Variants in DROSHA observed in about 807,000 individuals in gnomAD.
DROSHA encodes drosha ribonuclease III, also known as ribonuclease 3.
A neutral mutation model predicts 181.9 loss-of-function variants in DROSHA; 56 were observed. The observed-to-expected ratio is 0.31, with a 90% CI of 0.25 to 0.38. The LOEUF is 0.38. Among genes scored for constraint, DROSHA ranks in the 10% least tolerant of loss-of-function variants. The pLI is 1.00. For missense variants in DROSHA, 1,218 were observed against 1,743.5 expected, an observed-to-expected ratio of 0.70 and a Z score of 5.37; for synonymous variants, 524 against 591.2, an observed-to-expected ratio of 0.89 and a Z score of 1.65.
intron 13 of DROSHA, among the ~76,000 whole-genome samples, chr5:31,489,536 C>G (rs563984773): frequency 6.6e-6 from 1 of 152,284 alleles, no homozygotes; most frequent in African/African-American, 2.4e-5. Context: ...AATGGTCAAC[C>G]AAGAAACTGT....
chr5:31,511,698 T>TA (rs111259754), intron 8 of DROSHA, among the ~76,000 whole-genome samples: 61,593 of 143,524 alleles, frequency 0.43, 13,311 homozygotes, highest in Non-Finnish European at 0.5. Flanking sequence ...AGACCTCATC[T>TA]AAAAAAAAAA....
At chr5:31,413,250 A>G (rs919086262) in intron 30 of DROSHA, among the ~76,000 whole-genome samples, 3 of 152,194 alleles carry the variant, frequency 2.0e-5, no homozygotes, top group Non-Finnish European at 4.4e-5. Context: ...GGTGGCCAAT[A>G]ATAAGTGAGA....
At chr5:31,474,576 CT>C (rs1445074487) in intron 16 of DROSHA, among the ~76,000 whole-genome samples, 1 of 152,088 alleles carries the variant, frequency 6.6e-6, no homozygotes, top group African/African-American at 2.4e-5. Flanking sequence ...GTTGCCCAGG[CT>C]GTTCTCCAAT....
At chr5:31,405,064 A>G (rs1053182788) in intron 35 of DROSHA, among the ~76,000 whole-genome samples, 1 of 152,212 alleles carries the variant, frequency 6.6e-6, no homozygotes, top group Non-Finnish European at 1.5e-5. Context: ...GAGAATAGAG[A>G]AATGTATGAA....
intron 16 of DROSHA, among the ~76,000 whole-genome samples, chr5:31,474,982 G>A (rs1042618868): frequency 9.2e-5 from 14 of 152,130 alleles, no homozygotes; most frequent in Admixed American, 2.0e-4. Context: ...CAGTTCAATC[G>A]AAGACACATA....
At chr5:31,489,841 A>G (rs1377613419) in intron 13 of DROSHA, among the ~76,000 whole-genome samples, 1 of 152,190 alleles carries the variant, frequency 6.6e-6, no homozygotes, top group East Asian at 1.9e-4. Context: ...AGAATACGAC[A>G]AAATACGGTG....
At chr5:31,473,454 C>T (rs1749982321) in intron 16 of DROSHA, among the ~76,000 whole-genome samples, 1 of 152,188 alleles carries the variant, frequency 6.6e-6, no homozygotes, top group African/African-American at 2.4e-5. Flanking sequence ...ACTCATTCAT[C>T]CAAATATTCA....
chr5:31,415,712 C>T (rs113444793), intron 30 of DROSHA, among the ~76,000 whole-genome samples: 62 of 152,220 alleles, frequency 4.1e-4, no homozygotes, highest in African/African-American at 1.4e-3. Context: ...ACAGCAGGCA[C>T]GGAGATTAGC....
At chr5:31,412,780 C>T (rs1741468235) in intron 30 of DROSHA, among the ~76,000 whole-genome samples, 1 of 152,080 alleles carries the variant, frequency 6.6e-6, no homozygotes, top group African/African-American at 2.4e-5. Context: ...ATATAAGACC[C>T]AACCAATAAA....
intron 21 of DROSHA, among the ~76,000 whole-genome samples, chr5:31,450,309 T>G (rs528999354): frequency 6.4e-4 from 97 of 152,340 alleles, no homozygotes; most frequent in African/African-American, 2.2e-3. Flanking sequence ...TAACACTTGA[T>G]TCGGTCCTCC....
At chr5:31,418,918 G>T (rs2149993743) in intron 30 of DROSHA, among the ~76,000 whole-genome samples, 1 of 152,290 alleles carries the variant, frequency 6.6e-6, no homozygotes, top group Middle Eastern at 3.4e-3. Flanking sequence ...AACTCAGAAG[G>T]GAGACAGGAC....
chr5:31,484,663 A>G (rs1214401266), intron 15 of DROSHA, among the ~76,000 whole-genome samples: 2 of 152,214 alleles, frequency 1.3e-5, no homozygotes, highest in African/African-American at 4.8e-5. Context: ...AGCCGCTACC[A>G]GCTAATAATA....
intron 24 of DROSHA, 64 bp from the exon 25 acceptor site, chr5:31,435,928 G>T: frequency 6.7e-7 from 1 of 1,497,526 alleles, no homozygotes; most frequent in South Asian, 1.2e-5. Flanking sequence ...GTGGCTCTGA[G>T]TCACAGAAAC....
chr5:31,504,127 C>T (rs1033849427), intron 11 of DROSHA, among the ~76,000 whole-genome samples: 1 of 152,072 alleles, frequency 6.6e-6, no homozygotes, highest in Admixed American at 6.6e-5. Flanking sequence ...AGGGCAGAGA[C>T]GCAGGTAAAA....
In DROSHA at chr5:31,458,424, A is replaced by C. The variant is rs531327057; in HGVS notation, c.2574+5812T>G. Among the ~76,000 whole-genome samples, 24 of 152,370 alleles carry C rather than the reference A, an allele frequency of 1.6e-4. No homozygotes were observed. The South Asian group carries it at 4.8e-3, about 30-fold the overall frequency. On this transcript the variant is annotated intron_variant, in intron 20 of 35. Transcript: ENST00000344624. ...TCCCACAGGATCTTCATCTCAGGGT[A>C]ATCAAATAGTTGATGAGGAAAAGAT...
intron 25 of DROSHA, among the ~76,000 whole-genome samples, chr5:31,435,524 TTTC>T (rs61687488): frequency 0.041 from 6,283 of 152,250 alleles, 318 homozygotes; most frequent in East Asian, 0.2. Context: ...CTGTCAAATT[TTTC>T]TTCATCTGTT....
chr5:31,513,934 G>A (rs1398990874), intron 8 of DROSHA, among the ~76,000 whole-genome samples: 1 of 152,216 alleles, frequency 6.6e-6, no homozygotes, highest in African/African-American at 2.4e-5. Context: ...AAAGGTGACA[G>A]TGACAGAAAA....
intron 30 of DROSHA, among the ~76,000 whole-genome samples, chr5:31,413,890 G>A (rs558010431): frequency 1.3e-5 from 2 of 152,336 alleles, no homozygotes; most frequent in African/African-American, 4.8e-5. Context: ...AAGAACCAAC[G>A]AATCAACATT....
At position 31,526,328 on chromosome 5, in the gene DROSHA, G is replaced by C. The variant is rs1368902815; in HGVS notation, c.605C>G (p.Pro202Arg). The change falls in exon 5 of 36, where the codon CCT (proline) becomes CGT (arginine). Residue 202 changes from proline to arginine, a missense_variant. Transcript: ENST00000344624. ...FLPSANNSSS[P>R]HFRHLPPYPL... ...GTATGGAGGGAGATGTCTGAAATGA[G>C]GACTACTGCTGTTATTAGCACTGGG... is the stretch of plus-strand genomic sequence containing the variant. The C allele has an allele frequency of 1.2e-6, 2 of 1,613,884 alleles. No homozygotes were observed. Among genetic ancestry groups the C allele is most frequent in the South Asian group, 2.2e-5 (2 of 91,070 alleles).
Sources: gnomAD v4.1 joint callset for allele counts (sites outside exome capture counted in the v4.1 genomes callset) on GRCh38, gnomAD v4.1.1 for gene constraint, MANE v1.5 for transcripts, NCBI Gene and HGNC (gene_info 2026-07-23, HGNC 2026-07-21) for gene names.